Variants in CDK12 observed in about 807,000 individuals in gnomAD.
CDK12 encodes cyclin-dependent kinase 12.
In CDK12, 17 loss-of-function variants were observed where a neutral mutation model predicts 133.8. That is an observed-to-expected ratio of 0.13 (90% CI 0.09 to 0.19). CDK12 has a LOEUF of 0.19. CDK12 is among the 10% of genes least tolerant of loss of function. The pLI is 1.00. For missense variants in CDK12, 1,508 were observed against 1,818.7 expected, an observed-to-expected ratio of 0.83 and a Z score of 3.11; for synonymous variants, 694 against 683.6, an observed-to-expected ratio of 1.02 and a Z score of -0.24.
At chr17:39,499,483 A>G (rs1302094669) in intron 5 of CDK12, among the ~76,000 whole-genome samples, 2 of 148,176 alleles carry the variant, frequency 1.3e-5, no homozygotes, top group African/African-American at 2.5e-5. Context: ...TGCTGGGATT[A>G]CAGGCATGAA....
At chr17:39,481,631 G>A (rs1387716580) in intron 2 of CDK12, among the ~76,000 whole-genome samples, 3 of 34,276 alleles carry the variant, frequency 8.8e-5, no homozygotes, top group African/African-American at 2.3e-4. Context: ...GCTCGCTCGC[G>A]CGCTCTCTCT....
chr17:39,507,953 T>TA (rs1397860430), intron 6 of CDK12, among the ~76,000 whole-genome samples: 1 of 152,202 alleles, frequency 6.6e-6, no homozygotes, highest in Non-Finnish European at 1.5e-5. Flanking sequence ...TGCTAGTAGT[T>TA]ACCTTGTTTT....
chr17:39,475,853 C>T (rs2050152689), intron 2 of CDK12, among the ~76,000 whole-genome samples: 2 of 151,730 alleles, frequency 1.3e-5, no homozygotes, highest in African/African-American at 4.8e-5. Context: ...AACAGAATCT[C>T]AAATTTATGT....
At chr17:39,480,547 T>G (rs2050565128) in intron 2 of CDK12, among the ~76,000 whole-genome samples, 1 of 152,108 alleles carries the variant, frequency 6.6e-6, no homozygotes, top group Non-Finnish European at 1.5e-5. Flanking sequence ...GTTCTAGCGA[T>G]CCACCTTCCT....
intron 2 of CDK12, among the ~76,000 whole-genome samples, chr17:39,484,802 A>G (rs766056365): frequency 4.6e-5 from 7 of 152,216 alleles, no homozygotes; most frequent in African/African-American, 7.2e-5. Context: ...GGAGCATTTC[A>G]GTATTCAGAT....
chr17:39,475,755 C>T (rs1567695209), intron 2 of CDK12, among the ~76,000 whole-genome samples: 1 of 151,848 alleles, frequency 6.6e-6, no homozygotes, highest in Non-Finnish European at 1.5e-5. Context: ...CCATGTTGGC[C>T]AGGCTGGTCT....
chr17:39,530,722 G>A lies in CDK12; in HGVS notation c.3879G>A (p.Leu1293=). The change falls in exon 14 of 14, where the codon TTG becomes TTA. Residue 1293 remains leucine, a synonymous_variant. Coordinates refer to ENST00000447079, the MANE Select transcript of CDK12 (RefSeq NM_016507.4). ...EGDLSSAPQE[L]NPAVTAALLQ... is the part of the protein sequence containing the mutation. ...ATCTTTCCAGCGCCCCCCAGGAGTT[G>A]AACCCAGCCGTGACAGCCGCCTTGC... The A allele has an allele frequency of 6.2e-7, 1 of 1,613,702 alleles. No homozygotes were observed.
Position 39,531,890 on chromosome 17 carries a change from C to A in CDK12, c.*574C>A. The A allele has an allele frequency of 4.3e-6, 1 of 233,852 alleles. No homozygotes were observed. Among genetic ancestry groups the A allele is most frequent in the East Asian group, 6.0e-5 (1 of 16,716 alleles). 14.5% of individuals were successfully genotyped at this position (233,852 alleles called of 1,614,324 possible). ...TTCCTCTCCACCATCTCACATTTTGCTTTTAAGTGAACACTTTTTCCCCAT... is the reference window on the plus strand; with the variant it reads ...TTCCTCTCCACCATCTCACATTTTGATTTTAAGTGAACACTTTTTCCCCAT... On this transcript the variant is annotated 3_prime_UTR_variant, in exon 14 of 14. Coordinates refer to ENST00000447079, the MANE Select transcript of CDK12 (RefSeq NM_016507.4).
chr17:39,473,480 G>A (rs67466585), intron 2 of CDK12, among the ~76,000 whole-genome samples: 16,216 of 152,068 alleles, frequency 0.11, 926 homozygotes, highest in African/African-American at 0.15. Flanking sequence ...GGTGGCTCAC[G>A]CCTGTAATTT....
intron 2 of CDK12, among the ~76,000 whole-genome samples, chr17:39,554,894 A>T (rs1379884567): frequency 5.0e-4 from 4 of 7,950 alleles, no homozygotes; most frequent in Admixed American, 3.0e-3. Context: ...ACTCCGTCTC[A>T]AAAAAAAAAA....
intron 9 of CDK12, among the ~76,000 whole-genome samples, chr17:39,516,043 A>C (rs1415367878): frequency 6.6e-6 from 1 of 152,228 alleles, no homozygotes; most frequent in Non-Finnish European, 1.5e-5. Context: ...CTTCATATAA[A>C]AGCATACCAT....
Position 39,495,396 on chromosome 17 carries a change from T to G in CDK12, c.2419+702T>G, listed in dbSNP as rs1430303465. On this transcript the variant is annotated intron_variant, in intron 5 of 13. Transcript: ENST00000447079. ...ACTGGCCTCATGTGTTTTTTTTTTT[T>G]TTTTTTTTTTTTTTTTTTTTATAAA... Among the ~76,000 whole-genome samples the G allele has an allele frequency of 7.6e-4, 112 of 147,824 alleles. 2 individuals are homozygous for G. The highest frequency in any genetic ancestry group is 5.5e-3 in the South Asian group (26 of 4,746).
intron 7 of CDK12, among the ~76,000 whole-genome samples, chr17:39,510,084 G>T (rs1235110357): frequency 6.7e-6 from 1 of 149,742 alleles, no homozygotes; most frequent in Non-Finnish European, 1.5e-5. Context: ...TTACAGACAT[G>T]AGCCACCGCA....
At chr17:39,480,064 T>C (rs1452424862) in intron 2 of CDK12, among the ~76,000 whole-genome samples, 1 of 151,636 alleles carries the variant, frequency 6.6e-6, no homozygotes, top group Non-Finnish European at 1.5e-5. Context: ...GCTGGGATTA[T>C]AGGCCCCCGC....
At chr17:39,464,073 T>C (rs2049127932) in intron 1 of CDK12, among the ~76,000 whole-genome samples, 1 of 152,124 alleles carries the variant, frequency 6.6e-6, no homozygotes, top group South Asian at 2.1e-4. Context: ...GAATAATAAA[T>C]ACCTACTTTT....
intron 11 of CDK12, among the ~76,000 whole-genome samples, chr17:39,523,790 A>G (rs914813460): frequency 1.8e-4 from 27 of 151,984 alleles, no homozygotes; most frequent in African/African-American, 6.0e-4. Flanking sequence ...AGTAGCTGGG[A>G]TTACAGGCAC....
chr17:39,482,698 G>C (rs1218003573), intron 2 of CDK12, among the ~76,000 whole-genome samples: 3 of 137,422 alleles, frequency 2.2e-5, no homozygotes, highest in Non-Finnish European at 3.1e-5. Flanking sequence ...CGCCTCCCAG[G>C]TTCAAACAAT....
At chr17:39,489,767 C>G (rs1025291371) in intron 2 of CDK12, among the ~76,000 whole-genome samples, 1 of 150,486 alleles carries the variant, frequency 6.6e-6, no homozygotes, top group African/African-American at 2.4e-5. Context: ...GCTGGGATTA[C>G]AGGCTTGAGC....
exon 2 of CDK12, chr17:39,551,055 C>T (rs982048706): frequency 2.1e-4 from 32 of 151,640 alleles, no homozygotes; most frequent in African/African-American, 7.5e-4. Flanking sequence ...AAACAAGACC[C>T]AGAGAGGGGA....
Sources: gnomAD v4.1 joint callset for allele counts (sites outside exome capture counted in the v4.1 genomes callset) on GRCh38, gnomAD v4.1.1 for gene constraint, MANE v1.5 for transcripts, NCBI Gene and HGNC (gene_info 2026-07-23, HGNC 2026-07-21) for gene names.